GRIN1: variants seen among roughly 807,000 people sequenced by gnomAD.
The protein encoded by GRIN1 is glutamate ionotropic receptor NMDA type subunit 1, also known as glutamate receptor ionotropic, NMDA 1.
In GRIN1, 38 loss-of-function variants were observed where a neutral mutation model predicts 103.0. The ratio of observed to expected loss-of-function variants is 0.37; its 90% CI spans 0.28 to 0.48. The LOEUF (loss-of-function observed/expected upper bound fraction) is 0.48, where lower values mean the gene tolerates loss of function less well. Among genes scored for constraint, GRIN1 ranks in the 20% least tolerant of loss-of-function variants. The pLI is 0.98. For missense variants in GRIN1, 577 were observed against 1,288.9 expected (o/e 0.45, Z 8.46); for synonymous variants, 544 against 532.7 (o/e 1.02, Z -0.29).
intron 2 of GRIN1, 103 bp from the exon 3 acceptor site, chr9:137,145,622 AG>A (rs1219623719): frequency 2.8e-6 from 2 of 712,094 alleles, no homozygotes; most frequent in Middle Eastern, 3.8e-4. Context: ...GGGTGGGAGG[AG>A]GGGGGTTCCC....
At chr9:137,140,690 C>A (rs781201270) in intron 1 of GRIN1, among the ~76,000 whole-genome samples, 58 of 152,240 alleles carry the variant, frequency 3.8e-4, no homozygotes, top group Non-Finnish European at 7.6e-4. Context: ...CATTCACACG[C>A]ATGTACACGA....
At position 137,168,061 on chromosome 9, in the gene GRIN1, G is replaced by A. The variant is rs1280593099; in HGVS notation, c.*534G>A. ...GACGGGGCAGAGCTGAGTCGGCTGG[G>A]CAGGGCCGCAGGGCGCTCCGGCAGA... On this transcript the variant is annotated 3_prime_UTR_variant, in exon 20 of 20. Coordinates refer to ENST00000371561, the MANE Select transcript of GRIN1 (RefSeq NM_007327.4). 1.7e-6 allele frequency: 1 copy of A among 599,330 alleles called. No homozygotes were observed. The highest frequency in any genetic ancestry group is 3.0e-6 in the Non-Finnish European group (1 of 337,990). The allele number at this position is 599,330 out of a possible 1,614,324, so 37.1% of individuals were successfully genotyped here.
rs896361924 is a variant in GRIN1 at position 137,163,743 on chromosome 9, G to A, written c.2444-16G>A. 2 of 1,613,756 alleles carry A rather than the reference G, an allele frequency of 1.2e-6. No homozygotes were observed. The highest frequency in any genetic ancestry group is 1.7e-5 in the Admixed American group (1 of 60,030). ...CTCCCTGGCCAGCAACTGAGGCTCT[G>A]GGTCCCGGCACACAGGGGTCTTCAT... On this transcript the variant is annotated splice_polypyrimidine_tract_variant and intron_variant, in intron 17 of 19. Coordinates refer to ENST00000371561, the MANE Select transcript of GRIN1 (RefSeq NM_007327.4).
Position 137,162,467 on chromosome 9 carries a change from G to C in GRIN1, c.1815G>C (p.Ser605=). Residue 605 remains serine, a synonymous_variant, in exon 13 of 20, where the codon TCG becomes TCC. Transcript: ENST00000371561. ...EEEEDALTLS[S]AMWFSWGVLL... ...AGGAGGACGCACTGACCCTGTCCTC[G>C]GCCATGTGGTTCTCCTGGGGCGTCC... 2 of 1,611,616 alleles carry C rather than the reference G, an allele frequency of 1.2e-6. No individual in the cohort carries two copies. The highest frequency in any genetic ancestry group is 1.7e-6 in the Non-Finnish European group (2 of 1,179,818).
intron 4 of GRIN1, among the ~76,000 whole-genome samples, chr9:137,151,161 G>T (rs867307247): frequency 3.0e-5 from 4 of 134,696 alleles, no homozygotes; most frequent in Admixed American, 3.0e-4. Context: ...TCCCGCCCAG[G>T]GAAAGCCCCG....
Position 137,165,322 on chromosome 9 carries a change from G to A in GRIN1, c.2700+26G>A, listed in dbSNP as rs200941837. 26 of 1,385,642 alleles carry A rather than the reference G, an allele frequency of 1.9e-5. No homozygotes were observed. In the African/African-American group the frequency reaches 2.0e-4, roughly 11 times the overall value. The allele number at this position is 1,385,642 out of a possible 1,614,324, so 85.8% of individuals were successfully genotyped here. On this transcript the variant is annotated intron_variant, in intron 19 of 19. Coordinates refer to ENST00000371561, the MANE Select transcript of GRIN1 (RefSeq NM_007327.4). ...GTAAGGGGGAGAGCACCCCAGTCCC[G>A]CGTCCGACTCCACCTGCCCTGCCCT...
chr9:137,152,184 G>C (rs1257881886), intron 4 of GRIN1, among the ~76,000 whole-genome samples: 1 of 152,086 alleles, frequency 6.6e-6, no homozygotes, highest in Non-Finnish European at 1.5e-5. Context: ...GGGATTACAG[G>C]AGTGAGCCAC....
Position 137,168,092 on chromosome 9 carries a change from G to C in GRIN1, c.*565G>C. On this transcript the variant is annotated 3_prime_UTR_variant, in exon 20 of 20. Coordinates refer to ENST00000371561, the MANE Select transcript of GRIN1 (RefSeq NM_007327.4). The stretch of plus-strand genomic sequence containing the variant: ...CCGCAGGGCGCTCCGGCAGAGGCAG[G>C]GCCCTGGGGTCTCTGAGCAGTGGGG... 1.7e-6 allele frequency: 1 copy of C among 581,968 alleles called. No homozygotes were observed. 36.1% of individuals were successfully genotyped at this position (581,968 alleles called of 1,614,324 possible).
rs202240473 is a variant in GRIN1, at chr9:137,156,981, G to A, written c.912G>A (p.Pro304=). The change falls in exon 6 of 20, where the codon CCG becomes CCA. Residue 304 remains proline, a synonymous_variant. Transcript: ENST00000371561. ...TCGAGAAGGAGAACATCACCGACCC[G>A]CCGCGGGGCTGCGTGGGCAACACCA... ...ELLEKENITD[P]PRGCVGNTNI... 152 of 1,612,186 alleles carry A rather than the reference G, an allele frequency of 9.4e-5. No individual in the cohort carries two copies. The highest frequency in any genetic ancestry group is 7.8e-5 in the Non-Finnish European group (92 of 1,179,864).
chr9:137,164,060 C>G (rs1378178202), intron 18 of GRIN1, 156 bp downstream of exon 18: 2 of 914,258 alleles, frequency 2.2e-6, no homozygotes, highest in South Asian at 1.4e-5. Context: ...TCCCAGGGCA[C>G]GGGGGCAGCA....
chr9:137,163,034 G>T (rs1232607502), intron 15 of GRIN1, 31 bp downstream of exon 15: 3 of 1,566,836 alleles, frequency 1.9e-6, no homozygotes, highest in East Asian at 4.7e-5. Flanking sequence ...CTGGCGGGGC[G>T]GGACAGGTGC....
At position 137,143,141 on chromosome 9, in the gene GRIN1, G is replaced by T. The variant is rs1393823153; in HGVS notation, c.393+994G>T. On this transcript the variant is annotated intron_variant, in intron 2 of 19. Coordinates refer to ENST00000371561, the MANE Select transcript of GRIN1 (RefSeq NM_007327.4). ...GGTGCCAGCGCTGAGGAGCCAGAGG[G>T]CTGGGCTGTGCAGCCAGGCTTCTGG... 2.6e-5 allele frequency among the ~76,000 whole-genome samples: 4 copies of T among 152,264 alleles called. No individual in the cohort carries two copies. In the South Asian group the frequency reaches 8.3e-4, roughly 31 times the overall value.
intron 4 of GRIN1, among the ~76,000 whole-genome samples, chr9:137,151,018 A>C (rs1229486263): frequency 6.8e-6 from 1 of 147,356 alleles, no homozygotes; most frequent in African/African-American, 2.5e-5. Flanking sequence ...GCCCAGATAA[A>C]AGACCCGCCC....
intron 10 of GRIN1, 45 bp downstream of exon 10, chr9:137,161,461 C>T: frequency 3.8e-6 from 6 of 1,574,400 alleles, no homozygotes; most frequent in Non-Finnish European, 4.3e-6. Context: ...GAGGGGCCTG[C>T]AGGCGCGGTC....
chr9:137,163,229 C>T lies in GRIN1; in HGVS notation c.2232C>T (p.Cys744=), dbSNP rs749966599. Residue 744 remains cysteine (C), a synonymous_variant, in exon 16 of 20, where the codon TGC becomes TGT. Coordinates refer to ENST00000371561, the MANE Select transcript of GRIN1 (RefSeq NM_007327.4). ...AVLEFEASQK[C]DLVTTGELFF... ...TGGAGTTCGAGGCCTCGCAGAAGTG[C>T]GACCTGGTGACGACTGGAGAGCTGT... is the stretch of plus-strand genomic sequence containing the variant. 6.2e-7 allele frequency: 1 copy of T among 1,613,684 alleles called. No individual in the cohort carries two copies. Among genetic ancestry groups the T allele is most frequent in the South Asian group, 1.1e-5 (1 of 91,086 alleles).
intron 4 of GRIN1, among the ~76,000 whole-genome samples, chr9:137,155,401 G>T (rs952930540): frequency 3.3e-5 from 5 of 152,232 alleles, no homozygotes; most frequent in Non-Finnish European, 5.9e-5. Flanking sequence ...TCTGTTTTGT[G>T]TCACTGACAT....
chr9:137,165,930 G>A lies in GRIN1; in HGVS notation c.2700+634G>A, dbSNP rs372501021. Among the ~76,000 whole-genome samples, 48 of 152,320 alleles carry A rather than the reference G, an allele frequency of 3.2e-4. No homozygotes were observed. In the East Asian group the frequency reaches 8.1e-3, roughly 26 times the overall value. On this transcript the variant is annotated intron_variant, in intron 19 of 19. Transcript: ENST00000371561. ...CGGGCCTGGGTCCGTCTGGGTGGAC[G>A]GCTGGGGCCTGGAGTTGGAACTGGC...
intron 4 of GRIN1, among the ~76,000 whole-genome samples, chr9:137,154,064 A>T (rs1449180358): frequency 6.8e-6 from 1 of 148,002 alleles, no homozygotes; most frequent in African/African-American, 2.5e-5. Flanking sequence ...CGCCTGCCTC[A>T]GCCTTCCAAA....
Position 137,139,767 on chromosome 9 carries a change from C to T in GRIN1, c.258+23C>T, listed in dbSNP as rs775020837. 1.3e-6 allele frequency: 2 copies of T among 1,587,442 alleles called. No individual in the cohort carries two copies. The highest frequency in any genetic ancestry group is 1.1e-5 in the South Asian group (1 of 90,564). On this transcript the variant is annotated intron_variant, in intron 1 of 19. Transcript: ENST00000371561. This position sits in a 1 kb window ranked among gnomAD's most constrained non-coding sequence, Gnocchi z 7.7. ...CAGGTGCCCTCCCCCACCTCCGCCA[C>T]CCACCTCCCCTCTCCTCCATCCTGC...
Sources: gnomAD v4.1 joint callset for allele counts (sites outside exome capture counted in the v4.1 genomes callset) on GRCh38, gnomAD v4.1.1 for gene constraint, Gnocchi (gnomAD v3.1) non-coding constraint, MANE v1.5 for transcripts, NCBI Gene and HGNC (gene_info 2026-07-23, HGNC 2026-07-21) for gene names.